The following TMC2 variants were observed in gnomAD, a reference collection of about 807,000 sequenced individuals.
The protein encoded by TMC2 is transmembrane channel like 2, also known as transmembrane channel-like protein 2.
TMC2 carries 102 observed loss-of-function variants against 105.9 expected under a neutral mutation model. The observed-to-expected ratio is 0.96, with a 90% CI of 0.82 to 1.14. The LOEUF is 1.14. Among genes scored for constraint, TMC2 ranks in the 50% most tolerant of loss-of-function variants. The pLI is 0.00. For missense variants in TMC2, 1,093 were observed against 1,134.3 expected, an observed-to-expected ratio of 0.96 and a Z score of 0.52; for synonymous variants, 402 against 422.8, an observed-to-expected ratio of 0.95 and a Z score of 0.60.
Position 2,617,138 on chromosome 20 carries a change from C to T in TMC2, c.2007C>T (p.Tyr669=). The T allele has an allele frequency of 1.9e-6, 3 of 1,614,218 alleles. No homozygotes were observed. The highest frequency in any genetic ancestry group is 1.1e-5 in the South Asian group (1 of 91,092). Reference sequence around the variant, plus strand: ...TGCTGCGCCTGCTGACCTCCATGTACTTCCAGTGCTGGGCGGTGATGAGCA... The same window carrying T: ...TGCTGCGCCTGCTGACCTCCATGTATTTCCAGTGCTGGGCGGTGATGAGCA... The part of the protein sequence containing the change: ...INVLRLLTSM[Y]FQCWAVMSSN... Residue 669 remains tyrosine (Y), a synonymous_variant, in exon 16 of 20, where the codon TAC becomes TAT. Coordinates refer to ENST00000358864, the MANE Select transcript of TMC2 (RefSeq NM_080751.3).
intron 14 of TMC2, among the ~76,000 whole-genome samples, chr20:2,614,184 T>C (rs2146242894): frequency 6.6e-6 from 1 of 152,344 alleles, no homozygotes; most frequent in East Asian, 1.9e-4. Context: ...ACATCTTTGA[T>C]AGAAAGACAC....
chr20:2,563,508 AT>A (rs1279387168), intron 4 of TMC2, among the ~76,000 whole-genome samples: 4 of 152,168 alleles, frequency 2.6e-5, no homozygotes, highest in African/African-American at 7.2e-5. Flanking sequence ...CGAAAAACTG[AT>A]TTTTTTGTTT....
At chr20:2,541,981 A>G (rs1453195981) in intron 2 of TMC2, among the ~76,000 whole-genome samples, 1 of 152,066 alleles carries the variant, frequency 6.6e-6, no homozygotes, top group East Asian at 1.9e-4. Context: ...CCTCCCCCAT[A>G]TTGATATGTG....
intron 2 of TMC2, among the ~76,000 whole-genome samples, chr20:2,541,646 C>CA (rs765976017): frequency 0.012 from 895 of 76,862 alleles, 2 homozygotes; most frequent in East Asian, 0.021. Flanking sequence ...GTCTCAAAAC[C>CA]AAAAAAAAAA....
chr20:2,599,971 C>T (rs2086339014), intron 10 of TMC2, among the ~76,000 whole-genome samples: 1 of 152,180 alleles, frequency 6.6e-6, no homozygotes, highest in Non-Finnish European at 1.5e-5. Context: ...GCATGGGTTT[C>T]CCAGCCCTAG....
At chr20:2,567,918 A>C (rs1391661730) in intron 4 of TMC2, among the ~76,000 whole-genome samples, 1 of 152,238 alleles carries the variant, frequency 6.6e-6, no homozygotes, top group Non-Finnish European at 1.5e-5. Context: ...GAACTTGGAG[A>C]TAGAACAAGA....
chr20:2,628,442 A>G (rs1483181474), intron 17 of TMC2, among the ~76,000 whole-genome samples: 1 of 152,060 alleles, frequency 6.6e-6, no homozygotes, highest in African/African-American at 2.4e-5. Context: ...TTTTGTATTC[A>G]GTCACTGATA....
At position 2,537,286 on chromosome 20, in the gene TMC2, G is replaced by T; in HGVS notation, c.52G>T (p.Gly18Trp). The T allele has an allele frequency of 6.2e-7, 1 of 1,604,368 alleles. No individual in the cohort carries two copies. Residue 18 changes from glycine (G) to tryptophan (W), a missense_variant, in exon 2 of 20, where the codon GGG becomes TGG. Physicochemically the swap from Gly to Trp is radical, Grantham distance 184. Coordinates refer to ENST00000358864, the MANE Select transcript of TMC2 (RefSeq NM_080751.3). ...TCTTACAGCACGAGGCGGAGTGAAA[G>T]GGCGGGTGAAGAGCGGCTCTCCACA... ...LKEEARGGVK[G>W]RVKSGSPHTG...
rs2085975808 is a variant in TMC2 at position 2,554,703 on chromosome 20, A to T, written c.83-3753A>T. 2.6e-5 allele frequency among the ~76,000 whole-genome samples: 4 copies of T among 152,200 alleles called. No homozygotes were observed. In the South Asian group the frequency reaches 8.3e-4, roughly 31 times the overall value. ...GGCTTCTTTAACCTATGTGTTATTT[A>T]GAAGTGGGCTGTTTTATCTCCAAAT... On this transcript the variant is annotated intron_variant, in intron 2 of 19. Coordinates refer to ENST00000358864, the MANE Select transcript of TMC2 (RefSeq NM_080751.3).
chr20:2,589,316 G>GTGTGTGTC (rs1568515717), intron 7 of TMC2, among the ~76,000 whole-genome samples: 2 of 150,346 alleles, frequency 1.3e-5, no homozygotes, highest in African/African-American at 4.9e-5. Flanking sequence ...GTGTGTGTGT[G>GTGTGTGTC]TGTGTGTGGA....
intron 17 of TMC2, among the ~76,000 whole-genome samples, chr20:2,627,997 A>G (rs1341178031): frequency 6.6e-6 from 1 of 152,032 alleles, no homozygotes; most frequent in Non-Finnish European, 1.5e-5. Context: ...GTGAAACCCC[A>G]TGTCTACTAA....
intron 17 of TMC2, among the ~76,000 whole-genome samples, chr20:2,626,099 C>T (rs74765630): frequency 0.12 from 17,873 of 152,082 alleles, 1,185 homozygotes; most frequent in Middle Eastern, 0.17. Flanking sequence ...TATCTTTCCC[C>T]AAAGGGATGG....
At chr20:2,608,304 T>TTATTAG (rs2086409128) in intron 11 of TMC2, among the ~76,000 whole-genome samples, 1 of 109,088 alleles carries the variant, frequency 9.2e-6, no homozygotes, top group Non-Finnish European at 1.7e-5. Context: ...TTTTTATTTA[T>TTATTAG]TATTATTATT....
chr20:2,558,804 G>T lies in TMC2; in HGVS notation c.401+30G>T. ...GTTGTGGCTCCGATTCTGGGCATTC[G>T]CTCCGCGCGCTCCCGCTCCTTCGCG... On this transcript the variant is annotated intron_variant, in intron 3 of 19. Transcript: ENST00000358864. This position sits in a 1 kb window ranked among gnomAD's most constrained non-coding sequence, Gnocchi z 4.6. The T allele has an allele frequency of 6.7e-7, 1 of 1,498,052 alleles. No homozygotes were observed. The highest frequency in any genetic ancestry group is 2.4e-5 in the Admixed American group (1 of 42,000). 92.8% of individuals were successfully genotyped at this position (1,498,052 alleles called of 1,614,324 possible).
intron 5 of TMC2, among the ~76,000 whole-genome samples, chr20:2,574,045 A>G (rs1269937996): frequency 6.6e-6 from 1 of 152,168 alleles, no homozygotes; most frequent in African/African-American, 2.4e-5. Flanking sequence ...GAATGACTCT[A>G]ATGACTTTCA....
chr20:2,541,936 A>T lies in TMC2; in HGVS notation c.82+4620A>T, dbSNP rs2085892568. 2.0e-5 allele frequency among the ~76,000 whole-genome samples: 3 copies of T among 152,112 alleles called. No individual in the cohort carries two copies. The South Asian group carries it at 6.2e-4, about 32-fold the overall frequency. On this transcript the variant is annotated intron_variant, in intron 2 of 19. Coordinates refer to ENST00000358864, the MANE Select transcript of TMC2 (RefSeq NM_080751.3). The stretch of plus-strand genomic sequence containing the variant: ...AATTGCATTTCCCCATTAGTAACTT[A>T]CCTGTTCATAAGTTTTGCTTAACGG...
Position 2,620,380 on chromosome 20 carries a change from T to C in TMC2, c.2180+3069T>C, listed in dbSNP as rs1349839388. ...GAGTCTGGATAACCTTTTGCTAGTG[T>C]TTCTGAAAGATCAAAAGGTCTGAAT... On this transcript the variant is annotated intron_variant, in intron 16 of 19. Coordinates refer to ENST00000358864, the MANE Select transcript of TMC2 (RefSeq NM_080751.3). 3.3e-5 allele frequency among the ~76,000 whole-genome samples: 5 copies of C among 152,330 alleles called. No individual in the cohort carries two copies. The East Asian group carries it at 7.7e-4, about 23-fold the overall frequency.
At position 2,536,680 on chromosome 20, in the gene TMC2, G is replaced by T; in HGVS notation, c.34+25G>T. 2.6e-6 allele frequency: 4 copies of T among 1,565,970 alleles called. No individual in the cohort carries two copies. The African/African-American group carries it at 4.0e-5, about 16-fold the overall frequency. Reference sequence around the variant, plus strand: ...GGTGAGTCCACGTCCTGATCCTGCGGGGCCCGCCCACAGGGTTCCTGGGCA... The same window carrying T: ...GGTGAGTCCACGTCCTGATCCTGCGTGGCCCGCCCACAGGGTTCCTGGGCA... On this transcript the variant is annotated intron_variant, in intron 1 of 19. Transcript: ENST00000358864.
chr20:2,536,661 T>C lies in TMC2; in HGVS notation c.34+6T>C, dbSNP rs1292874141. 1 of 1,572,352 alleles carries C rather than the reference T, an allele frequency of 6.4e-7. No homozygotes were observed. Among genetic ancestry groups the C allele is most frequent in the Admixed American group, 1.9e-5 (1 of 52,680 alleles). ...AAAGGGCCTGAAAGAGGAAGGTGAGTCCACGTCCTGATCCTGCGGGGCCCG... is the reference window on the plus strand; with the variant it reads ...AAAGGGCCTGAAAGAGGAAGGTGAGCCCACGTCCTGATCCTGCGGGGCCCG... On this transcript the variant is annotated splice_donor_region_variant and intron_variant, in intron 1 of 19. Coordinates refer to ENST00000358864, the MANE Select transcript of TMC2 (RefSeq NM_080751.3).
Sources: allele counts gnomAD v4.1 joint callset (sites outside exome capture counted in the v4.1 genomes callset), GRCh38; gene constraint gnomAD v4.1.1; non-coding constraint Gnocchi (gnomAD v3.1); transcripts MANE v1.5; gene names NCBI Gene and HGNC (gene_info 2026-07-23, HGNC 2026-07-21).